SLC38A6: variants seen among roughly 807,000 people sequenced by gnomAD.
The protein encoded by SLC38A6 is solute carrier family 38 member 6.
In SLC38A6, 73 loss-of-function variants were observed where a neutral mutation model predicts 65.0. The observed-to-expected ratio is 1.12, with a 90% CI of 0.93 to 1.37. The LOEUF is 1.37. Among genes scored for constraint, SLC38A6 ranks in the 40% most tolerant of loss-of-function variants. The pLI is 0.00. For synonymous variants in SLC38A6, 183 were observed against 178.8 expected, an observed-to-expected ratio of 1.02 and a Z score of -0.19; for missense variants, 561 against 531.1, an observed-to-expected ratio of 1.06 and a Z score of -0.55.
At chr14:61,023,363 G>A (rs145120353) in intron 5 of SLC38A6, among the ~76,000 whole-genome samples, 136 of 152,210 alleles carry the variant, frequency 8.9e-4, no homozygotes, top group African/African-American at 3.1e-3. Flanking sequence ...CTGAGCTCAG[G>A]AGTTTGAGAC....
At position 61,079,255 on chromosome 14, in the gene SLC38A6, ACCT is replaced by A. The variant is rs1175262030; in HGVS notation, c.1408+332_1408+334del. Among the ~76,000 whole-genome samples, 3 of 142,774 alleles carry A rather than the reference ACCT, an allele frequency of 2.1e-5. No individual in the cohort carries two copies. The East Asian group carries it at 6.2e-4, about 30-fold the overall frequency. 93.7% of individuals were successfully genotyped at this position (142,774 alleles called of 152,430 possible). ...GGGTTCAAGCGATTCTCCTGCCTCC[ACCT>A]CCTGAGTAGCTGGGATTACAGGCAC... On this transcript the variant is annotated intron_variant, in intron 16 of 16. Coordinates refer to the SLC38A6 transcript ENST00000354886.
Position 61,010,053 on chromosome 14 carries a change from A to G in SLC38A6, c.311-5851A>G, listed in dbSNP as rs189047308. On this transcript the variant is annotated intron_variant, in intron 3 of 15. Transcript: ENST00000267488. ...TCCTCTCCAGCACCTGTTGTTTCCTAACTTTTTAATGATTGCCATTCTAAC... is the reference window on the plus strand; with the variant it reads ...TCCTCTCCAGCACCTGTTGTTTCCTGACTTTTTAATGATTGCCATTCTAAC... Among the ~76,000 whole-genome samples the G allele has an allele frequency of 5.2e-3, 793 of 152,210 alleles. 13 individuals are homozygous for G. Among genetic ancestry groups the G allele is most frequent in the African/African-American group, 0.017 (725 of 41,528 alleles).
chr14:61,049,946 T>C (rs144643931), intron 12 of SLC38A6, among the ~76,000 whole-genome samples: 43 of 152,248 alleles, frequency 2.8e-4, no homozygotes, highest in African/African-American at 1.0e-3. Flanking sequence ...AGTAAGACAT[T>C]TCCCTAACAC....
rs766102392 is a variant in SLC38A6 at position 60,984,732 on chromosome 14, T to G, written c.239T>G (p.Phe80Cys). Residue 80 changes from phenylalanine to cysteine, a missense_variant and splice_region_variant, in exon 3 of 16, where the codon TTC becomes TGC. Coordinates refer to ENST00000267488, the MANE Select transcript of SLC38A6 (RefSeq NM_153811.3). ...LANTGVFGFS[F>C]LLLTVALLAS... ...CCAGGTGTTCTTTTATGTTTTAGCT[T>G]CTTGCTGCTGACAGTTGCTCTCCTG... The G allele has an allele frequency of 1.2e-6, 2 of 1,613,864 alleles. No individual in the cohort carries two copies. The highest frequency in any genetic ancestry group is 2.7e-5 in the African/African-American group (2 of 74,922).
chr14:61,034,145 C>T (rs1306849532), intron 6 of SLC38A6: 1 of 152,050 alleles, frequency 6.6e-6, no homozygotes, highest in Non-Finnish European at 1.5e-5. Context: ...CAGTTCAGTG[C>T]TTTGGTCAGT....
chr14:61,064,022 TTTC>T, intron 15 of SLC38A6, among the ~76,000 whole-genome samples: 1 of 152,338 alleles, frequency 6.6e-6, no homozygotes, highest in East Asian at 1.9e-4. Context: ...ATACCTTGAA[TTTC>T]TTCATCTTGC....
intron 3 of SLC38A6, among the ~76,000 whole-genome samples, chr14:61,015,412 C>G (rs1402906846): frequency 6.6e-6 from 1 of 152,120 alleles, no homozygotes; most frequent in Non-Finnish European, 1.5e-5. Context: ...CCAACACTCC[C>G]CAGTGAGATG....
chr14:61,008,859 CTTTA>C (rs2039342776), intron 3 of SLC38A6, among the ~76,000 whole-genome samples: 1 of 152,126 alleles, frequency 6.6e-6, no homozygotes, highest in Non-Finnish European at 1.5e-5. Flanking sequence ...TATACTTTAA[CTTTA>C]TTTACATATC....
intron 3 of SLC38A6, among the ~76,000 whole-genome samples, chr14:61,009,849 C>T (rs2039424093): frequency 6.6e-6 from 1 of 152,160 alleles, no homozygotes; most frequent in Admixed American, 6.5e-5. Flanking sequence ...CATACGTGTG[C>T]CTTTGTCTTT....
chr14:61,019,436 C>G, intron 4 of SLC38A6, 105 bp from the exon 5 acceptor site: 1 of 1,081,340 alleles, frequency 9.2e-7, no homozygotes, highest in Non-Finnish European at 1.4e-6. Context: ...CTCCTCACAA[C>G]TTCTGCATCT....
chr14:61,073,192 G>A (rs982329073), intron 15 of SLC38A6, among the ~76,000 whole-genome samples: 3 of 152,148 alleles, frequency 2.0e-5, no homozygotes, highest in African/African-American at 7.2e-5. Flanking sequence ...TTTGAGAAAT[G>A]TCTATTCAAA....
Position 61,050,602 on chromosome 14 carries a change from C to T in SLC38A6, c.1016C>T (p.Ala339Val). The change falls in exon 13 of 16, where the codon GCT becomes GTT. Residue 339 changes from alanine to valine, a missense_variant. Coordinates refer to ENST00000267488, the MANE Select transcript of SLC38A6 (RefSeq NM_153811.3). The stretch of plus-strand genomic sequence containing the variant: ...ACTGTGAAGTTATGCATACTATTTG[C>T]TGTGCTTTTGACAGTCCCTCTAATC... ...VMTVKLCILF[A>V]VLLTVPLIHF... The T allele has an allele frequency of 6.3e-7, 1 of 1,597,534 alleles. No individual in the cohort carries two copies.
intron 3 of SLC38A6, among the ~76,000 whole-genome samples, chr14:61,010,991 G>A (rs1033196056): frequency 1.3e-5 from 2 of 152,074 alleles, no homozygotes; most frequent in South Asian, 2.1e-4. Context: ...CCATTTTCAC[G>A]ACATTGATTC....
intron 15 of SLC38A6, among the ~76,000 whole-genome samples, chr14:61,067,082 T>A (rs2043045095): frequency 6.6e-6 from 1 of 152,232 alleles, no homozygotes; most frequent in Admixed American, 6.5e-5. Flanking sequence ...AATGAAAAAT[T>A]ATACATGTAT....
intron 6 of SLC38A6, among the ~76,000 whole-genome samples, chr14:61,033,150 G>GA (rs1248032629): frequency 3.3e-5 from 5 of 151,934 alleles, no homozygotes; most frequent in African/African-American, 1.2e-4. Flanking sequence ...ACACAATTAA[G>GA]TTGTCTTGCA....
chr14:61,048,271 G>T (rs1038896027), intron 12 of SLC38A6: 5 of 386,542 alleles, frequency 1.3e-5, no homozygotes, highest in South Asian at 3.9e-5. Context: ...GCCCAGAGAG[G>T]TGAAGTGACC....
Position 61,030,445 on chromosome 14 carries a change from C to G in SLC38A6, c.404C>G (p.Ala135Gly), listed in dbSNP as rs750915264. 2.5e-6 allele frequency: 4 copies of G among 1,599,240 alleles called. No individual in the cohort carries two copies. The highest frequency in any genetic ancestry group is 3.5e-5 in the Admixed American group (2 of 57,598). ...AGTIIIQNIG[A>G]MSSYLLIIKT... The stretch of plus-strand genomic sequence containing the variant: ...AGGAACACTATTTATTCTTTTGCAG[C>G]TATGTCATCTTATCTTTTAATTATT... The change falls in exon 6 of 16, where the codon GCT (alanine) becomes GGT (glycine). Residue 135 changes from alanine to glycine, a missense_variant and splice_region_variant. Physicochemically the swap from Ala to Gly is moderately conservative, Grantham distance 60. Transcript: ENST00000267488.
chr14:61,054,571 C>T (rs193176864), downstream of SLC38A6, among the ~76,000 whole-genome samples: 2 of 152,066 alleles, frequency 1.3e-5, no homozygotes, highest in African/African-American at 4.8e-5. Context: ...TTATAATTCT[C>T]ATTGTAGAAA....
At chr14:61,079,606 C>G (rs1220487009) in intron 16 of SLC38A6, among the ~76,000 whole-genome samples, 1 of 152,190 alleles carries the variant, frequency 6.6e-6, no homozygotes, top group Non-Finnish European at 1.5e-5. Flanking sequence ...TGCTCAACAT[C>G]TTGATGCTAC....
Sources: gnomAD v4.1 joint callset for allele counts (sites outside exome capture counted in the v4.1 genomes callset) on GRCh38, gnomAD v4.1.1 for gene constraint, MANE v1.5 for transcripts, NCBI Gene and HGNC (gene_info 2026-07-23, HGNC 2026-07-21) for gene names.